Variants in SPTLC3 observed in about 807,000 individuals in gnomAD.
SPTLC3 encodes serine palmitoyltransferase long chain base subunit 3.
Under a neutral mutation model 59.3 loss-of-function variants are expected in SPTLC3, and 36 were observed. The observed-to-expected ratio is 0.61, with a 90% confidence interval of 0.47 to 0.80. The LOEUF is 0.80. SPTLC3 is among the 30% of genes least tolerant of loss of function. The probability of loss-of-function intolerance (pLI) is 0.00; values close to 1 mark genes in which losing one functional copy is unlikely to be tolerated. For synonymous variants in SPTLC3, 257 were observed against 240.8 expected, an observed-to-expected ratio of 1.07 and a Z score of -0.62; for missense variants, 625 against 685.1, an observed-to-expected ratio of 0.91 and a Z score of 0.98.
intron 2 of SPTLC3, among the ~76,000 whole-genome samples, chr20:13,051,567 C>T (rs1000720599): frequency 6.6e-6 from 1 of 152,204 alleles, no homozygotes; most frequent in Non-Finnish European, 1.5e-5. Context: ...TGGATTTAAA[C>T]TATACCTTGG....
intron 9 of SPTLC3, among the ~76,000 whole-genome samples, chr20:13,145,739 A>G (rs970330279): frequency 6.6e-6 from 1 of 152,212 alleles, no homozygotes; most frequent in African/African-American, 2.4e-5. Flanking sequence ...ACTTCACACT[A>G]TACTACAAGG....
chr20:13,100,584 CA>C (rs200156954), intron 6 of SPTLC3, among the ~76,000 whole-genome samples: 6 of 151,522 alleles, frequency 4.0e-5, no homozygotes, highest in Non-Finnish European at 8.8e-5. Flanking sequence ...ACAACAACAA[CA>C]AAAAAAACAC....
intron 8 of SPTLC3, among the ~76,000 whole-genome samples, chr20:13,125,740 A>G (rs2037973640): frequency 6.6e-6 from 1 of 152,218 alleles, no homozygotes; most frequent in African/African-American, 2.4e-5. Context: ...GCAGCTGGAG[A>G]GAGTTCTGAG....
chr20:13,068,251 C>T (rs1333181022), intron 2 of SPTLC3, among the ~76,000 whole-genome samples: 4 of 152,270 alleles, frequency 2.6e-5, no homozygotes, highest in African/African-American at 7.2e-5. Context: ...TTTCTACACT[C>T]CATTCTCCAA....
chr20:13,024,781 A>G (rs1177977293), intron 1 of SPTLC3, among the ~76,000 whole-genome samples: 1 of 152,192 alleles, frequency 6.6e-6, no homozygotes, highest in Non-Finnish European at 1.5e-5. Flanking sequence ...TTCTAGAGAA[A>G]TTCCCCTGCT....
At chr20:13,076,367 C>T (rs1988645571) in intron 4 of SPTLC3, among the ~76,000 whole-genome samples, 1 of 152,144 alleles carries the variant, frequency 6.6e-6, no homozygotes, top group South Asian at 2.1e-4. Flanking sequence ...GAATATTTAA[C>T]AGTACAAATG....
chr20:13,096,354 A>G (rs1452298313), intron 6 of SPTLC3, among the ~76,000 whole-genome samples: 1 of 152,166 alleles, frequency 6.6e-6, no homozygotes, highest in Admixed American at 6.6e-5. Flanking sequence ...TATTCATAAT[A>G]GCCAAAATCT....
intron 2 of SPTLC3, among the ~76,000 whole-genome samples, chr20:13,061,579 TCTCCAGGTAAGTAAATGGCAA>T (rs1987976950): frequency 6.6e-6 from 1 of 152,062 alleles, no homozygotes; most frequent in Admixed American, 6.6e-5. Context: ...CTTTTCACAA[TCTCCAGGTAAGTAAATGGCAA>T]CTCCACCAGT....
intron 9 of SPTLC3, among the ~76,000 whole-genome samples, chr20:13,150,019 C>T (rs570194721): frequency 1.3e-4 from 20 of 152,124 alleles, no homozygotes; most frequent in Non-Finnish European, 2.2e-4. Context: ...GCTAATGATC[C>T]GCAAAAGTGC....
chr20:13,107,490 C>T (rs1235839521), intron 6 of SPTLC3, among the ~76,000 whole-genome samples: 2 of 151,954 alleles, frequency 1.3e-5, no homozygotes, highest in African/African-American at 4.8e-5. Flanking sequence ...TCAAGTAGAA[C>T]AAGAACTGAA....
chr20:13,064,481 G>A (rs985963152), intron 2 of SPTLC3, among the ~76,000 whole-genome samples: 3 of 152,048 alleles, frequency 2.0e-5, no homozygotes, highest in African/African-American at 7.2e-5. Flanking sequence ...TTTTAGTATA[G>A]ACGAGGTTTC....
At chr20:13,026,897 G>A (rs771972455) in intron 1 of SPTLC3, among the ~76,000 whole-genome samples, 10 of 152,110 alleles carry the variant, frequency 6.6e-5, no homozygotes, top group Admixed American at 1.3e-4. Flanking sequence ...CAAAAGCACC[G>A]GAGATTCAAC....
At chr20:13,023,994 C>T (rs370268229) in intron 1 of SPTLC3, among the ~76,000 whole-genome samples, 32 of 152,150 alleles carry the variant, frequency 2.1e-4, no homozygotes, top group Middle Eastern at 3.4e-3. Context: ...AAAGTAAATG[C>T]GATCTGTTTT....
At chr20:13,047,239 C>T (rs1339941157) in intron 1 of SPTLC3, among the ~76,000 whole-genome samples, 1 of 151,986 alleles carries the variant, frequency 6.6e-6, no homozygotes. Context: ...CACAGAGATT[C>T]CAAAAATTCT....
chr20:13,105,488 C>A (rs777883503), intron 6 of SPTLC3, among the ~76,000 whole-genome samples: 23 of 151,986 alleles, frequency 1.5e-4, no homozygotes, highest in Non-Finnish European at 2.8e-4. Context: ...TCATGTCTTG[C>A]GTGTTATTTT....
intron 11 of SPTLC3, among the ~76,000 whole-genome samples, chr20:13,163,367 C>CAAAAAAAA (rs56217510): frequency 1.2e-4 from 11 of 90,060 alleles, no homozygotes; most frequent in South Asian, 3.5e-4. Flanking sequence ...GACGCTGTCT[C>CAAAAAAAA]AAAAAAAAAA....
intron 1 of SPTLC3, among the ~76,000 whole-genome samples, chr20:13,046,584 G>A (rs1167141766): frequency 1.3e-5 from 2 of 152,198 alleles, no homozygotes; most frequent in South Asian, 2.1e-4. Context: ...GATGCAGAAG[G>A]ATGTGGGAGG....
rs532811777 is a variant in SPTLC3, at chr20:13,165,230, A to T, written c.*363A>T. On this transcript the variant is annotated 3_prime_UTR_variant, in exon 12 of 12. Coordinates refer to ENST00000399002, the MANE Select transcript of SPTLC3 (RefSeq NM_018327.4). ...ATGAGAGAATTTAAAATTTTTATTCAGTAAGTTCACTATGTGTTTACTTAT... is the reference window on the plus strand; with the variant it reads ...ATGAGAGAATTTAAAATTTTTATTCTGTAAGTTCACTATGTGTTTACTTAT... 5.4e-6 allele frequency: 1 copy of T among 185,470 alleles called. No homozygotes were observed. Among genetic ancestry groups the T allele is most frequent in the Non-Finnish European group, 1.1e-5 (1 of 87,836 alleles). The allele number at this position is 185,470 out of a possible 1,614,324, so 11.5% of individuals were successfully genotyped here.
intron 1 of SPTLC3, among the ~76,000 whole-genome samples, chr20:13,017,054 C>G (rs1257926136): frequency 6.6e-6 from 1 of 152,130 alleles, no homozygotes; most frequent in African/African-American, 2.4e-5. Context: ...CCACGCTTCC[C>G]CTGTAAACAC....
Sources: gnomAD v4.1 joint callset for allele counts (sites outside exome capture counted in the v4.1 genomes callset) on GRCh38, gnomAD v4.1.1 for gene constraint, MANE v1.5 for transcripts, NCBI Gene and HGNC (gene_info 2026-07-23, HGNC 2026-07-21) for gene names.